The following TCF25 variants were observed in gnomAD, a reference collection of about 807,000 sequenced individuals.
The protein encoded by TCF25 is ribosome quality control complex subunit TCF25.
Under a neutral mutation model 83.1 loss-of-function variants are expected in TCF25, and 41 were observed. The ratio of observed to expected loss-of-function variants is 0.49; its 90% CI spans 0.38 to 0.64. The LOEUF (loss-of-function observed/expected upper bound fraction) is 0.64. Ranked by LOEUF, TCF25 falls within the 30% of genes least tolerant of loss-of-function variation. The pLI is 0.00. For synonymous variants in TCF25, 458 were observed against 365.0 expected (o/e 1.25, Z -2.90); for missense variants, 979 against 914.5 (o/e 1.07, Z -0.91).
chr16:89,874,428 C>G (rs1597238670), intron 1 of TCF25: 1 of 153,670 alleles, frequency 6.5e-6, no homozygotes, highest in African/African-American at 2.4e-5. Context: ...TTTCTCGAGT[C>G]TAGAGGGGCC....
chr16:89,884,768 C>T (rs1476246623), intron 3 of TCF25, 112 bp downstream of exon 3: 16 of 965,746 alleles, frequency 1.7e-5, no homozygotes, highest in Non-Finnish European at 1.9e-5. Flanking sequence ...GACGCCCTCT[C>T]CCTCTGCCTG....
At chr16:89,904,514 A>G (rs1340760752) in intron 13 of TCF25, 1 of 500,248 alleles carries the variant, frequency 2.0e-6, no homozygotes, top group East Asian at 3.7e-5. Context: ...TGGGAGGTCA[A>G]AGGTACAGTG....
intron 5 of TCF25, 65 bp downstream of exon 5, chr16:89,887,782 G>C (rs965034783): frequency 6.9e-7 from 1 of 1,446,864 alleles, no homozygotes; most frequent in African/African-American, 1.5e-5. Flanking sequence ...TTGGCCGGGG[G>C]TGGTGTTCCT....
chr16:89,883,406 G>A lies in TCF25; in HGVS notation c.248G>A (p.Cys83Tyr). Residue 83 changes from cysteine to tyrosine, a missense_variant, in exon 2 of 18, where the codon TGT becomes TAT. Cys to Tyr is a radical substitution (Grantham distance 194, BLOSUM62 -2). Coordinates refer to ENST00000263346, the MANE Select transcript of TCF25 (RefSeq NM_014972.3). ...DPVVNGERSG[C>Y]ALTDAVAPGN... The stretch of plus-strand genomic sequence containing the variant: ...GTGGTGAACGGGGAGAGGTCTGGCT[G>A]TGCGCTCACAGACGCTGTGGCACCA... 3 of 1,614,144 alleles carry A rather than the reference G, an allele frequency of 1.9e-6. No individual in the cohort carries two copies. Among genetic ancestry groups the A allele is most frequent in the South Asian group, 2.2e-5 (2 of 91,080 alleles).
Position 89,895,982 on chromosome 16 carries a change from G to A in TCF25, c.929-8G>A. On this transcript the variant is annotated splice_region_variant and splice_polypyrimidine_tract_variant and intron_variant, in intron 8 of 17. Coordinates refer to ENST00000263346, the MANE Select transcript of TCF25 (RefSeq NM_014972.3). The stretch of plus-strand genomic sequence containing the variant: ...TGACACCCTCCCCTGGCGTCCCTGT[G>A]CCCACAGAGAGAGCGCTGTACAGCA... 6.2e-7 allele frequency: 1 copy of A among 1,613,340 alleles called. No homozygotes were observed. Among genetic ancestry groups the A allele is most frequent in the Non-Finnish European group, 8.5e-7 (1 of 1,179,668 alleles).
chr16:89,897,073 A>G (rs1186794383), intron 9 of TCF25, among the ~76,000 whole-genome samples: 1 of 151,796 alleles, frequency 6.6e-6, no homozygotes, highest in Admixed American at 6.6e-5. Flanking sequence ...CTGAGAAACC[A>G]GATCTCCACA....
intron 9 of TCF25, among the ~76,000 whole-genome samples, chr16:89,896,380 TAAAA>T (rs543132789): frequency 7.2e-5 from 11 of 151,766 alleles, no homozygotes; most frequent in Non-Finnish European, 1.2e-4. Flanking sequence ...CCCCATCTCT[TAAAA>T]AAATAAAAAT....
In TCF25 at chr16:89,911,187, C is replaced by T; in HGVS notation, c.1980C>T (p.Asp660=). The part of the protein sequence containing the change: ...RDMMANFHLN[D]LEAPHEDDAE... ...TGATGGCCAACTTCCACCTCAACGA[C>T]CTGGAGGCGCCGCACGAGGACGACG... The change falls in exon 18 of 18, where the codon GAC becomes GAT. Residue 660 remains aspartate, a synonymous_variant. Transcript: ENST00000263346. The T allele has an allele frequency of 1.2e-6, 2 of 1,612,462 alleles. No homozygotes were observed. The highest frequency in any genetic ancestry group is 1.1e-5 in the South Asian group (1 of 91,066).
At chr16:89,888,120 C>G (rs927513942) in intron 5 of TCF25, among the ~76,000 whole-genome samples, 1 of 151,612 alleles carries the variant, frequency 6.6e-6, no homozygotes, top group Non-Finnish European at 1.5e-5. Flanking sequence ...CAAAAATTAG[C>G]TGGGCGTGGT....
At chr16:89,894,396 G>C (rs2043679249) in intron 7 of TCF25, among the ~76,000 whole-genome samples, 2 of 142,248 alleles carry the variant, frequency 1.4e-5, no homozygotes, top group African/African-American at 6.2e-5. Flanking sequence ...ACAGCCCCCG[G>C]GCGGCCCTCA....
chr16:89,908,819 C>CCAGCTCCCAGCTCCCACCTCG lies in TCF25; in HGVS notation c.1799+1511_1799+1531dup, dbSNP rs766418985. The CCAGCTCCCAGCTCCCACCTCG allele has an allele frequency of 9.8e-6, 8 of 818,568 alleles. No homozygotes were observed. In the East Asian group the frequency reaches 2.5e-4, roughly 25 times the overall value. The allele number at this position is 818,568 out of a possible 1,614,324, so 50.7% of individuals were successfully genotyped here. On this transcript the variant is annotated intron_variant, in intron 16 of 17. Coordinates refer to ENST00000263346, the MANE Select transcript of TCF25 (RefSeq NM_014972.3). ...CCTCCCAGCTCCCACCTCGCAGCTC[C>CCAGCTCCCAGCTCCCACCTCG]CAGCTCCCAGCTCCCACCTCGCAGC...
intron 16 of TCF25, among the ~76,000 whole-genome samples, chr16:89,907,987 C>T (rs1158781531): frequency 1.7e-4 from 24 of 141,424 alleles, no homozygotes; most frequent in African/African-American, 5.8e-4. Flanking sequence ...TCCCAGCTCC[C>T]GCCTCCCACC....
intron 5 of TCF25, chr16:89,889,621 G>A: frequency 6.4e-6 from 1 of 156,996 alleles, no homozygotes; most frequent in Non-Finnish European, 1.4e-5. Flanking sequence ...CTCAATCTTG[G>A]CTCACCACAA....
At chr16:89,904,678 G>T (rs1422593255) in intron 13 of TCF25, 1 of 605,688 alleles carries the variant, frequency 1.7e-6, no homozygotes, top group East Asian at 3.0e-5. Context: ...CACGCAGATG[G>T]ACCCGCCCTG....
chr16:89,895,035 T>C lies in TCF25; in HGVS notation c.829-3T>C. On this transcript the variant is annotated splice_polypyrimidine_tract_variant and splice_region_variant and intron_variant, in intron 7 of 17. Transcript: ENST00000263346. ...CCTCCAGGGCTGTCCTCCCTTCTGGTAGGTTCTGCTCCAGACGAGCCCTTA... is the reference window on the plus strand; with the variant it reads ...CCTCCAGGGCTGTCCTCCCTTCTGGCAGGTTCTGCTCCAGACGAGCCCTTA... 5 of 1,612,394 alleles carry C rather than the reference T, an allele frequency of 3.1e-6. No homozygotes were observed. The highest frequency in any genetic ancestry group is 3.4e-6 in the Non-Finnish European group (4 of 1,179,078).
intron 16 of TCF25, among the ~76,000 whole-genome samples, chr16:89,908,534 AGCTCCCT>A (rs2045209817): frequency 3.3e-5 from 4 of 122,998 alleles, no homozygotes; most frequent in African/African-American, 3.2e-5. Flanking sequence ...CCCACCTCCC[AGCTCCCT>A]CCTCCCACCT....
At chr16:89,892,534 A>G (rs2043514551) in intron 6 of TCF25, among the ~76,000 whole-genome samples, 1 of 152,166 alleles carries the variant, frequency 6.6e-6, no homozygotes, top group Non-Finnish European at 1.5e-5. Context: ...TGAGTGCTGG[A>G]GGCCTGGCCC....
chr16:89,900,297 G>C (rs1039318617), intron 11 of TCF25, among the ~76,000 whole-genome samples: 1 of 152,170 alleles, frequency 6.6e-6, no homozygotes, highest in Non-Finnish European at 1.5e-5. Flanking sequence ...GGGGTGGGCT[G>C]CTCTCGTCTG....
At chr16:89,902,499 C>G (rs1406642144) in intron 12 of TCF25, among the ~76,000 whole-genome samples, 1 of 136,780 alleles carries the variant, frequency 7.3e-6, no homozygotes. Context: ...ACCATCCTGA[C>G]TAACACGGTG....
Sources: allele counts gnomAD v4.1 joint callset (sites outside exome capture counted in the v4.1 genomes callset), GRCh38; gene constraint gnomAD v4.1.1; transcripts MANE v1.5; gene names NCBI Gene and HGNC (gene_info 2026-07-23, HGNC 2026-07-21).